SPON1: variants seen among roughly 807,000 people sequenced by gnomAD.
SPON1 encodes the protein spondin-1.
A neutral mutation model predicts 111.7 loss-of-function variants in SPON1; 52 were observed. The ratio of observed to expected loss-of-function variants is 0.47; its 90% CI spans 0.37 to 0.59. SPON1 has a LOEUF of 0.59. Among genes scored for constraint, SPON1 ranks in the 20% least tolerant of loss-of-function variants. The probability of loss-of-function intolerance (pLI) is 0.00; values close to 1 mark genes in which losing one functional copy is unlikely to be tolerated. For missense variants in SPON1, 957 were observed against 1,068.5 expected, an observed-to-expected ratio of 0.90 and a Z score of 1.46; for synonymous variants, 410 against 395.8, an observed-to-expected ratio of 1.04 and a Z score of -0.43.
In SPON1 at chr11:14,167,805, G is replaced by A. The variant is rs1351981489; in HGVS notation, c.825+32237G>A. On this transcript the variant is annotated intron_variant, in intron 6 of 15. Transcript: ENST00000576479. ...CAGTATGATTTTAATGTGTTAACCTGTGGAAAAAACCTAAATAATTTCTCT... is the reference window on the plus strand; with the variant it reads ...CAGTATGATTTTAATGTGTTAACCTATGGAAAAAACCTAAATAATTTCTCT... Among the ~76,000 whole-genome samples, 7 of 152,086 alleles carry A rather than the reference G, an allele frequency of 4.6e-5. No homozygotes were observed. The East Asian group carries it at 1.3e-3, about 29-fold the overall frequency.
At chr11:14,214,496 A>G (rs1848607166) in intron 6 of SPON1, among the ~76,000 whole-genome samples, 1 of 152,208 alleles carries the variant, frequency 6.6e-6, no homozygotes, top group Non-Finnish European at 1.5e-5. Flanking sequence ...GAGGAGAAAA[A>G]GATCCAAGTG....
At chr11:14,173,501 T>C (rs1158259509) in intron 6 of SPON1, among the ~76,000 whole-genome samples, 1 of 152,210 alleles carries the variant, frequency 6.6e-6, no homozygotes, top group Non-Finnish European at 1.5e-5. Flanking sequence ...CTCGTCAACA[T>C]CATTCTCTGT....
chr11:13,962,915 C>A lies in SPON1; in HGVS notation c.11C>A (p.Ser4Tyr), dbSNP rs1409385475. The change falls in exon 1 of 16, where the codon TCC becomes TAC. Residue 4 changes from serine (S) to tyrosine (Y), a missense_variant. Ser to Tyr is a moderately radical substitution (Grantham distance 144, BLOSUM62 -2). This residue lies in a region of SPON1 where 262 missense variants were observed against 253.9 expected (regional missense o/e 1.03). Transcript: ENST00000576479. Reference protein sequence around the residue: MRLSPAPLKLSRTP... With the variant: MRLYPAPLKLSRTP... ...TTGGGGGCCGCGAAGATGAGGCTGT[C>A]CCCGGCGCCCCTGAAGCTGAGCCGG... 3.2e-6 allele frequency: 5 copies of A among 1,542,438 alleles called. No individual in the cohort carries two copies. The highest frequency in any genetic ancestry group is 4.4e-6 in the Non-Finnish European group (5 of 1,148,570).
At chr11:14,035,322 T>A (rs1477836750) in intron 2 of SPON1, among the ~76,000 whole-genome samples, 157 of 152,254 alleles carry the variant, frequency 1.0e-3, no homozygotes, top group African/African-American at 3.6e-3. Flanking sequence ...TTTGGACAGG[T>A]TGTTGAACCC....
At chr11:14,176,508 A>C (rs1247404657) in intron 6 of SPON1, among the ~76,000 whole-genome samples, 1 of 152,036 alleles carries the variant, frequency 6.6e-6, no homozygotes, top group Non-Finnish European at 1.5e-5. Flanking sequence ...GGAGCTACAG[A>C]CACCCCATCA....
At position 14,164,270 on chromosome 11, in the gene SPON1, C is replaced by T. The variant is rs542053561; in HGVS notation, c.825+28702C>T. On this transcript the variant is annotated intron_variant, in intron 6 of 15. Transcript: ENST00000576479. ...AAATTTAAATTTCCACTATCCAGTG[C>T]ATCTAACATGTATCCCAGTATCAAT... Among the ~76,000 whole-genome samples the T allele has an allele frequency of 2.1e-4, 32 of 152,290 alleles. No homozygotes were observed. The East Asian group carries it at 2.7e-3, about 13-fold the overall frequency.
intron 5 of SPON1, among the ~76,000 whole-genome samples, chr11:14,133,912 C>T (rs1421589513): frequency 1.3e-5 from 2 of 152,188 alleles, no homozygotes; most frequent in Non-Finnish European, 2.9e-5. Flanking sequence ...TGGCTGCCCT[C>T]AGCAGGCCAG....
rs1848534807 is a variant in SPON1, at chr11:14,208,143, A to T, written c.826-35189A>T. Among the ~76,000 whole-genome samples, 4 of 152,218 alleles carry T rather than the reference A, an allele frequency of 2.6e-5. No homozygotes were observed. In the South Asian group the frequency reaches 8.3e-4, roughly 32 times the overall value. ...TCACATGTTCTCCCTTATAAATGGG[A>T]ACTAAGTGATGAGAACACATGGACA... On this transcript the variant is annotated intron_variant, in intron 6 of 15. Coordinates refer to ENST00000576479, the MANE Select transcript of SPON1 (RefSeq NM_006108.4).
chr11:14,257,828 G>A lies in SPON1; in HGVS notation c.1422G>A (p.Leu474=). The change falls in exon 11 of 16, where the codon CTG becomes CTA. Residue 474 remains leucine (L), a synonymous_variant. Coordinates refer to ENST00000576479, the MANE Select transcript of SPON1 (RefSeq NM_006108.4). ...GACAGCGCATGCTGAAAGCACAGCT[G>A]GACCTCAGCGTCCCCTGCCCTGACA... The part of the protein sequence containing the change: ...RMRQRMLKAQ[L]DLSVPCPDTQ... The A allele has an allele frequency of 6.2e-7, 1 of 1,601,344 alleles. No homozygotes were observed. Among genetic ancestry groups the A allele is most frequent in the Non-Finnish European group, 8.5e-7 (1 of 1,174,168 alleles).
Position 14,135,314 on chromosome 11 carries a change from A to G in SPON1, c.677-106A>G, listed in dbSNP as rs1327825984. 7 of 1,274,686 alleles carry G rather than the reference A, an allele frequency of 5.5e-6. No homozygotes were observed. The African/African-American group carries it at 5.9e-5, about 11-fold the overall frequency. The allele number at this position is 1,274,686 out of a possible 1,614,324, so 79.0% of individuals were successfully genotyped here. A position where few individuals can be genotyped will look rare whatever the true frequency, so the allele number is the denominator to read the frequency against. On this transcript the variant is annotated intron_variant, in intron 5 of 15. Transcript: ENST00000576479. The surrounding 1 kb of genome is among the most constrained non-coding windows in gnomAD (Gnocchi z 4.4). ...CCTAAGACAGAATAGGTGCTTAGTC[A>G]GTGCTCTTTGAATCGATGTCCAATT...
At chr11:14,005,965 A>T (rs1554913070) in intron 2 of SPON1, among the ~76,000 whole-genome samples, 2 of 152,206 alleles carry the variant, frequency 1.3e-5, no homozygotes. Context: ...GGTGAATCAA[A>T]TGAGATCATC....
intron 6 of SPON1, among the ~76,000 whole-genome samples, chr11:14,217,554 CTTAT>C (rs1294999787): frequency 4.0e-5 from 6 of 151,788 alleles, no homozygotes; most frequent in Admixed American, 2.0e-4. Flanking sequence ...GTAGACTTCA[CTTAT>C]TTATTGTTGA....
chr11:14,223,630 G>C (rs1487342270), intron 6 of SPON1, among the ~76,000 whole-genome samples: 2 of 152,192 alleles, frequency 1.3e-5, no homozygotes, highest in African/African-American at 4.8e-5. Context: ...AGGCTTTTGT[G>C]AGTGTGAAAA....
rs531735913 is a variant in SPON1, at chr11:13,999,853, C to A, written c.345+16900C>A. Among the ~76,000 whole-genome samples, 3 of 152,238 alleles carry A rather than the reference C, an allele frequency of 2.0e-5. No homozygotes were observed. The South Asian group carries it at 6.2e-4, about 32-fold the overall frequency. On this transcript the variant is annotated intron_variant, in intron 2 of 15. Coordinates refer to ENST00000576479, the MANE Select transcript of SPON1 (RefSeq NM_006108.4). ...ACACAAACTTTCTCTCCAGTTGGCC[C>A]CCAGCTGGTACCTTATGTCCTATAG...
rs148033537 is a variant in SPON1, at chr11:14,262,850, G to T, written c.2135G>T (p.Arg712Leu). ...GGAPCPETVQ[R>L]KKCRIRKCLR... is the part of the protein sequence containing the mutation. The stretch of plus-strand genomic sequence containing the variant: ...GCACCCTGCCCAGAGACTGTGCAGC[G>T]AAAAAAGTGCCGCATCCGAAAATGC... Residue 712 changes from arginine (R) to leucine (L), a missense_variant, in exon 15 of 16, where the codon CGA (arginine) becomes CTA (leucine). By Grantham distance (102) the Arg-to-Leu change is moderately radical. Transcript: ENST00000576479. 117 of 1,613,700 alleles carry T rather than the reference G, an allele frequency of 7.3e-5. 1 individual carries two copies. In the African/African-American group the frequency reaches 1.2e-3, roughly 17 times the overall value.
At chr11:14,147,947 T>C (rs1847742722) in intron 6 of SPON1, among the ~76,000 whole-genome samples, 1 of 152,156 alleles carries the variant, frequency 6.6e-6, no homozygotes, top group Non-Finnish European at 1.5e-5. Flanking sequence ...ATCATAGAAA[T>C]ACAAATTAGT....
chr11:14,064,521 C>CT (rs1848817652), intron 3 of SPON1, among the ~76,000 whole-genome samples: 1 of 152,200 alleles, frequency 6.6e-6, no homozygotes, highest in South Asian at 2.1e-4. Flanking sequence ...GGTATCAGAC[C>CT]TGAAAGGTGG....
chr11:14,089,606 G>A (rs545630787), intron 5 of SPON1, among the ~76,000 whole-genome samples: 9 of 152,338 alleles, frequency 5.9e-5, no homozygotes, highest in African/African-American at 2.2e-4. Flanking sequence ...CAGGAAGCAC[G>A]GAGGTCAGGG....
At chr11:13,985,296 G>A (rs544279351) in intron 2 of SPON1, among the ~76,000 whole-genome samples, 2 of 152,336 alleles carry the variant, frequency 1.3e-5, no homozygotes, top group South Asian at 4.1e-4. Flanking sequence ...ATAAGAATAT[G>A]AAAATGCCTA....
Sources: allele counts gnomAD v4.1 joint callset (sites outside exome capture counted in the v4.1 genomes callset), GRCh38; gene constraint gnomAD v4.1.1; regional missense constraint gnomAD v4.1.1; non-coding constraint Gnocchi (gnomAD v3.1); transcripts MANE v1.5; gene names NCBI Gene and HGNC (gene_info 2026-07-23, HGNC 2026-07-21).